A2ML1: variants seen among roughly 807,000 people sequenced by gnomAD.
A2ML1 encodes alpha-2-macroglobulin like 1.
Under a neutral mutation model 181.9 loss-of-function variants are expected in A2ML1, and 161 were observed. That is an observed-to-expected ratio of 0.89 (90% CI 0.78 to 1.01). The LOEUF (loss-of-function observed/expected upper bound fraction) is 1.01, where lower values mean the gene tolerates loss of function less well. A2ML1 is among the 50% of genes least tolerant of loss of function. The pLI is 0.00. For synonymous variants in A2ML1, 663 were observed against 666.8 expected (o/e 0.99, Z 0.09); for missense variants, 1,670 against 1,768.1 (o/e 0.94, Z 1.00).
chr12:8,857,131 C>A, intron 23 of A2ML1, 33 bp from the exon 24 acceptor site: 1 of 1,599,512 alleles, frequency 6.3e-7, no homozygotes, highest in Non-Finnish European at 8.5e-7. Context: ...CTTCTCTGTA[C>A]CCCTACCTTC....
chr12:8,844,474 T>C (rs2136823415), intron 12 of A2ML1, among the ~76,000 whole-genome samples: 1 of 152,158 alleles, frequency 6.6e-6, no homozygotes, highest in East Asian at 1.9e-4. Context: ...TTCACATCGA[T>C]AGCAGCCTCA....
intron 26 of A2ML1, among the ~76,000 whole-genome samples, chr12:8,860,435 T>C (rs1175301238): frequency 6.6e-6 from 1 of 152,208 alleles, no homozygotes; most frequent in East Asian, 1.9e-4. Flanking sequence ...TGCTTAGCTC[T>C]TTCTGGGAAA....
downstream of A2ML1, among the ~76,000 whole-genome samples, chr12:8,878,730 A>G (rs1944839297): frequency 6.6e-6 from 1 of 152,034 alleles, no homozygotes; most frequent in African/African-American, 2.4e-5. This position sits in a 1 kb window ranked among gnomAD's most constrained non-coding sequence, Gnocchi z 4.4. Context: ...TTGGTAGTCC[A>G]AGGTGGGTGG....
intron 29 of A2ML1, 98 bp downstream of exon 29, chr12:8,864,106 G>C (rs1461701600): frequency 3.6e-6 from 4 of 1,124,958 alleles, no homozygotes; most frequent in African/African-American, 1.6e-5. Context: ...CGGTCCAGGG[G>C]CTTAGAGAGA....
intron 4 of A2ML1, among the ~76,000 whole-genome samples, chr12:8,831,147 G>T (rs1943099713): frequency 6.6e-6 from 1 of 151,904 alleles, no homozygotes; most frequent in Non-Finnish European, 1.5e-5. Context: ...GTTGTGGGGG[G>T]CGGGGGTCTC....
chr12:8,885,489 ACTCT>A (rs1335792305), intron 7 of A2ML1, among the ~76,000 whole-genome samples: 1 of 151,966 alleles, frequency 6.6e-6, no homozygotes, highest in African/African-American at 2.4e-5. Flanking sequence ...TCACTCTCTC[ACTCT>A]GTCACCCAGG....
intron 29 of A2ML1, among the ~76,000 whole-genome samples, chr12:8,865,553 AC>A (rs1187464580): frequency 5.3e-5 from 8 of 152,246 alleles, no homozygotes; most frequent in East Asian, 1.9e-4. Flanking sequence ...CAACAACAAC[AC>A]AACAACAACA....
intron 12 of A2ML1, among the ~76,000 whole-genome samples, chr12:8,844,011 C>T (rs947809202): frequency 2.6e-5 from 4 of 151,444 alleles, no homozygotes; most frequent in South Asian, 2.1e-4. Context: ...TGAGCCACCG[C>T]GCCCGGCCTC....
rs145219659 is a variant in A2ML1, at chr12:8,854,866, T to G, written c.2764+35T>G. The G allele has an allele frequency of 1.9e-4, 312 of 1,609,320 alleles. 1 individual carries two copies. In the African/African-American group the frequency reaches 3.6e-3, roughly 19 times the overall value. ...CTCAGAGCAGGATTGGTGGTGAGAA[T>G]TCCCTTAGAGGGCAGGAGATTTTCT... On this transcript the variant is annotated intron_variant, in intron 22 of 35. Coordinates refer to ENST00000299698, the MANE Select transcript of A2ML1 (RefSeq NM_144670.6).
chr12:8,858,255 G>T (rs779620376), intron 26 of A2ML1, 153 bp downstream of exon 26: 3 of 891,528 alleles, frequency 3.4e-6, no homozygotes, highest in East Asian at 2.7e-5. Flanking sequence ...TGCTTAGCTG[G>T]TCTGGGCCTC....
rs151084876 is a variant in A2ML1 at position 8,855,881 on chromosome 12, C to T, written c.2848+289C>T. On this transcript the variant is annotated intron_variant, in intron 23 of 35. Transcript: ENST00000299698. Reference sequence around the variant, plus strand: ...GTCTATAAATTGGGTGAAGGGAAAACAGAATATTTGCAGCAACCATTTTCA... The same window carrying T: ...GTCTATAAATTGGGTGAAGGGAAAATAGAATATTTGCAGCAACCATTTTCA... Among the ~76,000 whole-genome samples the T allele has an allele frequency of 1.2e-4, 19 of 152,232 alleles. No individual in the cohort carries two copies. The East Asian group carries it at 3.3e-3, about 26-fold the overall frequency.
intron 7 of A2ML1, among the ~76,000 whole-genome samples, chr12:8,882,610 CA>C (rs1296684813): frequency 6.6e-6 from 1 of 152,112 alleles, no homozygotes; most frequent in Non-Finnish European, 1.5e-5. Flanking sequence ...TCTCTATACA[CA>C]AGGCTGCCTC....
chr12:8,845,189 C>A (rs1291420824), intron 12 of A2ML1: 7 of 1,533,256 alleles, frequency 4.6e-6, no homozygotes, highest in Non-Finnish European at 6.1e-6. Context: ...GGAACAATTT[C>A]TATGCTGTCA....
chr12:8,823,482 A>AT, intron 2 of A2ML1, 117 bp downstream of exon 2: 1 of 1,262,234 alleles, frequency 7.9e-7, no homozygotes, highest in South Asian at 1.5e-5. Flanking sequence ...CTCTAAACCT[A>AT]TTTTTTCTCA....
chr12:8,843,862 G>T (rs947810658), intron 12 of A2ML1, among the ~76,000 whole-genome samples: 1 of 151,902 alleles, frequency 6.6e-6, no homozygotes, highest in Admixed American at 6.6e-5. Context: ...GGGACTACAG[G>T]CGCCCGCCAC....
intron 18 of A2ML1, 130 bp downstream of exon 18, chr12:8,850,404 A>C: frequency 3.8e-6 from 2 of 523,480 alleles, no homozygotes. Flanking sequence ...GGGCAACATA[A>C]TGAGCTTCTG....
In A2ML1 at chr12:8,835,574, C is replaced by T; in HGVS notation, c.551C>T (p.Ser184Phe). The change falls in exon 6 of 36, where the codon TCC becomes TTC. Residue 184 changes from serine to phenylalanine, a missense_variant. Coordinates refer to ENST00000299698, the MANE Select transcript of A2ML1 (RefSeq NM_144670.6). ...CCTGAGCAAGGCATTGTAGACCTGT[C>T]CTTCCAACTGGCACCAGAGGCAATG... ...VVPEQGIVDLSFQLAPEAMLG... is the reference protein window; with the variant it reads ...VVPEQGIVDLFFQLAPEAMLG... 6.2e-7 allele frequency: 1 copy of T among 1,614,176 alleles called. No homozygotes were observed. The highest frequency in any genetic ancestry group is 8.5e-7 in the Non-Finnish European group (1 of 1,180,028).
chr12:8,857,140 T>C lies in A2ML1; in HGVS notation c.2849-24T>C, dbSNP rs1944092920. ...TCCCTTCTTCTCTGTACCCCTACCT[T>C]CTCTCTCTCCTTTTGGATCCCAGGA... On this transcript the variant is annotated intron_variant, in intron 23 of 35. Coordinates refer to ENST00000299698, the MANE Select transcript of A2ML1 (RefSeq NM_144670.6). 3.1e-6 allele frequency: 5 copies of C among 1,604,812 alleles called. No individual in the cohort carries two copies. The Middle Eastern group carries it at 9.0e-4, about 289-fold the overall frequency.
At chr12:8,881,169 A>G (rs1944866713), downstream of A2ML1, among the ~76,000 whole-genome samples, 1 of 152,346 alleles carries the variant, frequency 6.6e-6, no homozygotes, top group South Asian at 2.1e-4. Context: ...TAGGTTTAGT[A>G]TACGGGGCCT....
Sources: allele counts gnomAD v4.1 joint callset (sites outside exome capture counted in the v4.1 genomes callset), GRCh38; gene constraint gnomAD v4.1.1; non-coding constraint Gnocchi (gnomAD v3.1); transcripts MANE v1.5; gene names NCBI Gene and HGNC (gene_info 2026-07-23, HGNC 2026-07-21).